Variants in SORBS2 observed in about 807,000 individuals in gnomAD.
SORBS2 encodes sorbin and SH3 domain-containing protein 2.
Under a neutral mutation model 97.7 loss-of-function variants are expected in SORBS2, and 46 were observed. The ratio of observed to expected loss-of-function variants is 0.47; its 90% CI spans 0.37 to 0.60. The LOEUF (loss-of-function observed/expected upper bound fraction) is 0.60. Among genes scored for constraint, SORBS2 ranks in the 20% least tolerant of loss-of-function variants. The probability of loss-of-function intolerance (pLI) is 0.00; values close to 1 mark genes in which losing one functional copy is unlikely to be tolerated. For synonymous variants in SORBS2, 476 were observed against 473.4 expected (o/e 1.01, Z -0.07); for missense variants, 1,316 against 1,282.3 (o/e 1.03, Z -0.40).
chr4:185,808,529 G>C (rs1483737402), intron 1 of SORBS2, among the ~76,000 whole-genome samples: 1 of 152,126 alleles, frequency 6.6e-6, no homozygotes, highest in African/African-American at 2.4e-5. Flanking sequence ...ATAGAACAGA[G>C]GGTAGGAAGT....
At chr4:185,783,849 G>C (rs62335681) in intron 1 of SORBS2, among the ~76,000 whole-genome samples, 15,192 of 152,194 alleles carry the variant, frequency 0.1, 1,032 homozygotes, top group Middle Eastern at 0.17. Context: ...TCAGTTTGAG[G>C]TTCTGTCTGA....
chr4:185,907,138 CA>C (rs1401461983), intron 1 of SORBS2, among the ~76,000 whole-genome samples: 971 of 68,558 alleles, frequency 0.014, 7 homozygotes, highest in African/African-American at 0.028. Context: ...TCCATCATAA[CA>C]AAAAAAAAAA....
intron 4 of SORBS2, among the ~76,000 whole-genome samples, chr4:185,632,589 C>T (rs747600958): frequency 6.6e-6 from 1 of 152,154 alleles, no homozygotes; most frequent in Non-Finnish European, 1.5e-5. Context: ...ACTGAAGAGC[C>T]TGAGAGCATC....
chr4:185,673,682 C>A (rs376891516), intron 4 of SORBS2, among the ~76,000 whole-genome samples: 1 of 152,098 alleles, frequency 6.6e-6, no homozygotes, highest in Admixed American at 6.6e-5. Flanking sequence ...AACTGCTGCT[C>A]GGGGAGGGTG....
At chr4:185,638,259 G>A (rs1383197206) in intron 4 of SORBS2, 97 bp from the exon 15 acceptor site, 4 of 763,778 alleles carry the variant, frequency 5.2e-6, no homozygotes, top group African/African-American at 3.4e-5. Context: ...GCATTGACAC[G>A]CAAACATGCA....
chr4:185,612,011 A>T lies in SORBS2; in HGVS notation c.2596-31T>A, dbSNP rs149859232. On this transcript the variant is annotated intron_variant, in intron 11 of 14. Coordinates refer to ENST00000418609, the Ensembl canonical transcript of SORBS2. ...ATGAATATGAGAAAAATGCATTAGA[A>T]ACAGAGATAGAATAACATGAAAATA... The T allele has an allele frequency of 8.4e-6, 11 of 1,306,402 alleles. No homozygotes were observed. The African/African-American group carries it at 1.6e-4, about 19-fold the overall frequency. The allele number at this position is 1,306,402 out of a possible 1,614,324, so 80.9% of individuals were successfully genotyped here.
chr4:185,684,797 T>C lies in SORBS2; in HGVS notation c.-197-5975A>G. On this transcript the variant is annotated intron_variant, in intron 2 of 20. Transcript: ENST00000284776. This position sits in a 1 kb window ranked among gnomAD's most constrained non-coding sequence, Gnocchi z 4.2. ...GAGAACTTTGCACTCTCTTCACAGA[T>C]GTTAGCGTAACAGACATGGCGGCAC... 2 of 1,552,028 alleles carry C rather than the reference T, an allele frequency of 1.3e-6. No individual in the cohort carries two copies. Among genetic ancestry groups the C allele is most frequent in the African/African-American group, 2.7e-5 (2 of 73,176 alleles).
chr4:185,589,947 T>C, intron 13 of SORBS2, 162 bp from the exon 26 acceptor site: 3 of 540,908 alleles, frequency 5.5e-6, no homozygotes, highest in South Asian at 2.5e-5. Context: ...TATTGGATGG[T>C]ACAAGCCTGG....
chr4:185,946,941 C>T (rs1488414794), intron 1 of SORBS2, among the ~76,000 whole-genome samples: 1 of 152,226 alleles, frequency 6.6e-6, no homozygotes, highest in Non-Finnish European at 1.5e-5. Context: ...ACAACCAAAC[C>T]TCTCCCTGGG....
At chr4:185,830,545 T>C (rs1046954473) in intron 1 of SORBS2, among the ~76,000 whole-genome samples, 1 of 152,230 alleles carries the variant, frequency 6.6e-6, no homozygotes, top group African/African-American at 2.4e-5. Flanking sequence ...TTTTGATCTC[T>C]GAAGTGCAAC....
intron 4 of SORBS2, chr4:185,645,747 A>AT (rs1273454354): frequency 6.6e-6 from 1 of 152,210 alleles, no homozygotes; most frequent in Non-Finnish European, 1.5e-5. Flanking sequence ...ATGAGAGTAA[A>AT]TTGCAATTGA....
chr4:185,939,488 G>A (rs2099270760), intron 1 of SORBS2, among the ~76,000 whole-genome samples: 2 of 152,086 alleles, frequency 1.3e-5, no homozygotes, highest in African/African-American at 2.4e-5. Context: ...GTTCTCCAAA[G>A]AGGTATCTGC....
intron 1 of SORBS2, among the ~76,000 whole-genome samples, chr4:185,935,399 C>T (rs2099268454): frequency 6.6e-6 from 1 of 152,190 alleles, no homozygotes; most frequent in Admixed American, 6.5e-5. Context: ...TAAGAGACTC[C>T]TTGACTTTTG....
intron 4 of SORBS2, among the ~76,000 whole-genome samples, chr4:185,640,818 G>A (rs959873196): frequency 2.0e-5 from 3 of 152,154 alleles, no homozygotes; most frequent in African/African-American, 7.2e-5. Flanking sequence ...TGTTTAGAGA[G>A]ACATACTATT....
At chr4:185,624,156 C>T in exon 7 of SORBS2, 4 of 1,614,238 alleles carry the variant, frequency 2.5e-6, no homozygotes, top group East Asian at 2.2e-5. Context: ...GACCCCCACG[C>T]CATGGGGCAG....
chr4:185,916,596 G>C (rs1041613122), intron 1 of SORBS2, among the ~76,000 whole-genome samples: 1 of 152,174 alleles, frequency 6.6e-6, no homozygotes, highest in Non-Finnish European at 1.5e-5. Context: ...CCCAAGATAC[G>C]ACACTCCCAG....
intron 1 of SORBS2, among the ~76,000 whole-genome samples, chr4:185,832,348 G>T (rs572162899): frequency 1.3e-5 from 2 of 152,126 alleles, no homozygotes; most frequent in Non-Finnish European, 2.9e-5. Flanking sequence ...AAAAGCCTTA[G>T]AGTATTAAAT....
At chr4:185,929,400 C>G (rs1187375425) in intron 1 of SORBS2, among the ~76,000 whole-genome samples, 2 of 152,178 alleles carry the variant, frequency 1.3e-5, no homozygotes, top group African/African-American at 2.4e-5. Context: ...CATCATAGCT[C>G]TTCTTTCCAA....
chr4:185,727,692 T>C (rs1427857681), intron 2 of SORBS2, among the ~76,000 whole-genome samples: 1 of 152,232 alleles, frequency 6.6e-6, no homozygotes, highest in Admixed American at 6.5e-5. Flanking sequence ...AAAAGCATGA[T>C]TTACAAAAAT....
Sources: gnomAD v4.1 joint callset for allele counts (sites outside exome capture counted in the v4.1 genomes callset) on GRCh38, gnomAD v4.1.1 for gene constraint, Gnocchi (gnomAD v3.1) non-coding constraint, MANE v1.5 for transcripts, NCBI Gene and HGNC (gene_info 2026-07-23, HGNC 2026-07-21) for gene names.